AR: variants seen among roughly 807,000 people sequenced by gnomAD.
The protein encoded by AR is dihydrotestosterone receptor.
Under a neutral mutation model 53.9 loss-of-function variants are expected in AR, and 8 were observed. The observed-to-expected ratio is 0.15, with a 90% CI of 0.09 to 0.27. The LOEUF (loss-of-function observed/expected upper bound fraction) is 0.27. Among genes scored for constraint, AR ranks in the 10% least tolerant of loss-of-function variants. The pLI is 1.00. For missense variants in AR, 639 were observed against 742.5 expected (o/e 0.86, Z 1.62); for synonymous variants, 359 against 316.4 (o/e 1.13, Z -1.43).
chrX:67,684,482 C>A (rs1266397042), intron 2 of AR, among the ~76,000 whole-genome samples: 1 of 110,990 alleles, frequency 9.0e-6, no homozygotes, highest in Admixed American at 9.6e-5. Flanking sequence ...CAGTGTGCTT[C>A]TTCAGGTAAG....
At chrX:67,562,603 C>T in intron 1 of AR, among the ~76,000 whole-genome samples, 1 of 111,244 alleles carries the variant, frequency 9.0e-6, no homozygotes, top group East Asian at 2.9e-4. Flanking sequence ...TTTAAGTTAC[C>T]TGCTTGACTC....
At chrX:67,599,202 G>A (rs751203831) in intron 1 of AR, among the ~76,000 whole-genome samples, 11 of 111,981 alleles carry the variant, frequency 9.8e-5, no homozygotes, top group Admixed American at 3.8e-4. Flanking sequence ...TCTAAGTTAC[G>A]TAGGTAATAT....
At chrX:67,623,610 A>G (rs1194980792) in intron 1 of AR, among the ~76,000 whole-genome samples, 1 of 111,363 alleles carries the variant, frequency 9.0e-6, no homozygotes, top group Non-Finnish European at 1.9e-5. Flanking sequence ...CAAACTACAA[A>G]GAAAGCAGGA....
At chrX:67,633,322 G>T (rs1295997271) in intron 1 of AR, among the ~76,000 whole-genome samples, 2 of 111,292 alleles carry the variant, frequency 1.8e-5, no homozygotes, top group East Asian at 5.7e-4. Context: ...GGTGCCTCTT[G>T]TTCTTTTCTT....
Position 67,545,173 on chromosome X carries a change from G to A in AR, c.27G>A (p.Arg9=), listed in dbSNP as rs1445338990. Residue 9 remains arginine, a synonymous_variant, in exon 1 of 8, where the codon AGG becomes AGA. Transcript: ENST00000374690. MEVQLGLG[R]VYPRPPSKTY... ...TGGAAGTGCAGTTAGGGCTGGGAAGGGTCTACCCTCGGCCGCCGTCCAAGA... is the reference window on the plus strand; with the variant it reads ...TGGAAGTGCAGTTAGGGCTGGGAAGAGTCTACCCTCGGCCGCCGTCCAAGA... 3.3e-6 allele frequency: 4 copies of A among 1,200,307 alleles called. No individual in the cohort carries two copies. In the African/African-American group the frequency reaches 5.3e-5, roughly 16 times the overall value.
intron 1 of AR, among the ~76,000 whole-genome samples, chrX:67,619,383 A>C (rs901032832): frequency 1.8e-5 from 2 of 110,599 alleles, no homozygotes; most frequent in African/African-American, 6.6e-5. Context: ...CAGTAAAATT[A>C]ACAGATATTA....
intron 2 of AR, among the ~76,000 whole-genome samples, chrX:67,676,289 C>T (rs1481038527): frequency 1.8e-5 from 2 of 111,797 alleles, no homozygotes; most frequent in African/African-American, 6.5e-5. Context: ...AGGCACATGT[C>T]CTCCAGCCTG....
intron 2 of AR, among the ~76,000 whole-genome samples, chrX:67,683,943 G>A (rs1310051896): frequency 3.6e-5 from 4 of 111,420 alleles, no homozygotes; most frequent in Non-Finnish European, 7.5e-5. Context: ...TCTTTCAGAA[G>A]GGCAATCTAG....
At chrX:67,666,975 A>C (rs1166913206) in intron 2 of AR, among the ~76,000 whole-genome samples, 1 of 110,616 alleles carries the variant, frequency 9.0e-6, no homozygotes, top group Non-Finnish European at 1.9e-5. Context: ...CCCTGGTCAG[A>C]TGGGTAGTTT....
rs1250043985 is a variant in AR at position 67,721,754 on chromosome X, A to G, written c.2319-79A>G. ...CTCTTCTTGGAAAACCTGGCGAGGG[A>G]TGGCAATCAGAGACATTCCCTCTGG... On this transcript the variant is annotated intron_variant, in intron 5 of 7. Coordinates refer to ENST00000374690, the MANE Select transcript of AR (RefSeq NM_000044.6). 6.9e-6 allele frequency: 8 copies of G among 1,166,753 alleles called. No homozygotes were observed. In the East Asian group the frequency reaches 1.8e-4, roughly 26 times the overall value.
chrX:67,572,915 G>A (rs1921887410), intron 1 of AR, among the ~76,000 whole-genome samples: 1 of 111,714 alleles, frequency 9.0e-6, no homozygotes, highest in African/African-American at 3.2e-5. Context: ...TTGCGTACAT[G>A]TAAAGTGTTC....
At chrX:67,580,334 T>C (rs899502852) in intron 1 of AR, among the ~76,000 whole-genome samples, 6 of 111,838 alleles carry the variant, frequency 5.4e-5, no homozygotes, top group African/African-American at 1.9e-4. Flanking sequence ...TAATTACTTC[T>C]ACAAATAATA....
intron 1 of AR, among the ~76,000 whole-genome samples, chrX:67,592,647 A>AT (rs1365938498): frequency 1.8e-5 from 2 of 108,635 alleles, no homozygotes; most frequent in Non-Finnish European, 3.8e-5. Flanking sequence ...AAAAAAAAAA[A>AT]ACTTTTTTTT....
intron 2 of AR, among the ~76,000 whole-genome samples, chrX:67,651,337 G>A (rs768713444): frequency 5.4e-5 from 6 of 110,269 alleles, no homozygotes; most frequent in Non-Finnish European, 9.5e-5. Flanking sequence ...GTGAAAATGT[G>A]GCAATCTTTA....
chrX:67,663,232 C>A (rs997192602), intron 2 of AR, among the ~76,000 whole-genome samples: 2 of 111,965 alleles, frequency 1.8e-5, no homozygotes, highest in African/African-American at 6.5e-5. Context: ...ACGGTCTTTA[C>A]AATTTGGTAT....
chrX:67,556,399 T>G lies in AR; in HGVS notation c.1616+9637T>G, dbSNP rs763225760. 6.3e-5 allele frequency among the ~76,000 whole-genome samples: 7 copies of G among 111,904 alleles called. No individual in the cohort carries two copies. In the South Asian group the frequency reaches 2.6e-3, roughly 42 times the overall value. On this transcript the variant is annotated intron_variant, in intron 1 of 7. Coordinates refer to ENST00000374690, the MANE Select transcript of AR (RefSeq NM_000044.6). ...CAATACTAGAAATTTATGAATTTCT[T>G]AAGGCTTCTAGGTTTGTTACCCATC...
chrX:67,705,052 T>G (rs764738006), intron 3 of AR, among the ~76,000 whole-genome samples: 4 of 111,912 alleles, frequency 3.6e-5, no homozygotes, highest in African/African-American at 1.3e-4. Context: ...ACTGTAGCCT[T>G]GTAGTATAGT....
intron 2 of AR, among the ~76,000 whole-genome samples, chrX:67,665,211 G>A (rs913579986): frequency 1.8e-5 from 2 of 112,651 alleles, no homozygotes; most frequent in Middle Eastern, 4.6e-3. Flanking sequence ...TGTTGCTCAC[G>A]CTGGGAGCTG....
At chrX:67,577,449 G>A (rs1005353925) in intron 1 of AR, among the ~76,000 whole-genome samples, 1 of 111,217 alleles carries the variant, frequency 9.0e-6, no homozygotes, top group Non-Finnish European at 1.9e-5. Context: ...TCGTGTACAA[G>A]TTTTTGTATG....
Sources: gnomAD v4.1 joint callset for allele counts (sites outside exome capture counted in the v4.1 genomes callset) on GRCh38, gnomAD v4.1.1 for gene constraint, MANE v1.5 for transcripts, NCBI Gene and HGNC (gene_info 2026-07-23, HGNC 2026-07-21) for gene names.